Variants in SIM1 observed in about 807,000 individuals in gnomAD.
SIM1 encodes the protein SIM bHLH transcription factor 1, also known as single-minded homolog 1.
A neutral mutation model predicts 78.2 loss-of-function variants in SIM1; 18 were observed. The observed-to-expected ratio is 0.23, with a 90% confidence interval of 0.16 to 0.34. The LOEUF (loss-of-function observed/expected upper bound fraction) is 0.34. Ranked by LOEUF, SIM1 falls within the 10% of genes least tolerant of loss-of-function variation. SIM1 has a pLI of 1.00. For synonymous variants in SIM1, 417 were observed against 385.2 expected (o/e 1.08, Z -0.97); for missense variants, 939 against 975.1 (o/e 0.96, Z 0.49).
intron 10 of SIM1, among the ~76,000 whole-genome samples, chr6:100,410,344 T>C (rs1285595492): frequency 1.3e-5 from 2 of 152,232 alleles, no homozygotes; most frequent in African/African-American, 4.8e-5. Context: ...GCAGCATCAC[T>C]TCCATTAAGC....
intron 10 of SIM1, among the ~76,000 whole-genome samples, chr6:100,394,300 T>A (rs1770718963): frequency 6.6e-6 from 1 of 152,214 alleles, no homozygotes; most frequent in Non-Finnish European, 1.5e-5. Context: ...AGCCACAGTG[T>A]TAGCAGGTGA....
intron 10 of SIM1, among the ~76,000 whole-genome samples, chr6:100,404,493 T>G (rs1771004383): frequency 6.6e-6 from 1 of 152,226 alleles, no homozygotes; most frequent in African/African-American, 2.4e-5. Context: ...AAATCACAGA[T>G]GCAGACTGCA....
chr6:100,442,529 C>A (rs1447438366), intron 9 of SIM1, among the ~76,000 whole-genome samples: 1 of 152,056 alleles, frequency 6.6e-6, no homozygotes, highest in South Asian at 2.1e-4. Context: ...TACATTAGTG[C>A]ATGATTATTA....
intron 10 of SIM1, among the ~76,000 whole-genome samples, chr6:100,414,157 A>T (rs1190190968): frequency 6.6e-6 from 1 of 152,228 alleles, no homozygotes; most frequent in Non-Finnish European, 1.5e-5. Flanking sequence ...GTTTGTAAAA[A>T]GGGATGGATG....
chr6:100,401,702 T>C (rs1057276822), intron 10 of SIM1, among the ~76,000 whole-genome samples: 1 of 152,180 alleles, frequency 6.6e-6, no homozygotes, highest in African/African-American at 2.4e-5. Context: ...TTAAAGTATG[T>C]AATCATTTTA....
At chr6:100,392,954 C>CACGG (rs1175421726) in intron 11 of SIM1, among the ~76,000 whole-genome samples, 2 of 152,210 alleles carry the variant, frequency 1.3e-5, no homozygotes, top group Non-Finnish European at 2.9e-5. Context: ...ATCCTTCACT[C>CACGG]ACGGGGTCAT....
intron 1 of SIM1, among the ~76,000 whole-genome samples, 175 bp downstream of exon 1, chr6:100,464,439 C>T (rs538576778): frequency 1.3e-5 from 2 of 152,338 alleles, no homozygotes; most frequent in South Asian, 4.1e-4. Flanking sequence ...AGCGCTCTGG[C>T]TGCCCAGCAG....
At chr6:100,410,908 T>G (rs1391570802) in intron 10 of SIM1, among the ~76,000 whole-genome samples, 1 of 152,100 alleles carries the variant, frequency 6.6e-6, no homozygotes, top group Non-Finnish European at 1.5e-5. Flanking sequence ...CAAGAAGCAT[T>G]ATGAAGGAAC....
At chr6:100,396,084 CTCT>C in intron 10 of SIM1, 2 of 984,928 alleles carry the variant, frequency 2.0e-6, no homozygotes, top group Non-Finnish European at 2.4e-6. Context: ...TGCCATCATC[CTCT>C]TCTTCCAGTG....
intron 2 of SIM1, among the ~76,000 whole-genome samples, chr6:100,458,029 TC>T (rs1772727672): frequency 2.1e-5 from 1 of 46,758 alleles, no homozygotes; most frequent in Non-Finnish European, 6.2e-5. Flanking sequence ...TCTCTCTCTC[TC>T]TCTCTCTCTC....
intron 10 of SIM1, among the ~76,000 whole-genome samples, chr6:100,418,627 G>A (rs1346213748): frequency 6.6e-6 from 1 of 151,956 alleles, no homozygotes; most frequent in Non-Finnish European, 1.5e-5. Flanking sequence ...AGGATTTGGG[G>A]GTCCAATAGG....
intron 10 of SIM1, among the ~76,000 whole-genome samples, chr6:100,399,476 G>A (rs1404191152): frequency 2.0e-5 from 3 of 152,016 alleles, no homozygotes; most frequent in African/African-American, 7.2e-5. Context: ...TCATAAAAAG[G>A]CAACATGAGA....
intron 10 of SIM1, among the ~76,000 whole-genome samples, chr6:100,410,716 C>G (rs1230149392): frequency 6.6e-6 from 1 of 152,100 alleles, no homozygotes; most frequent in Non-Finnish European, 1.5e-5. Context: ...AATGAGGTGG[C>G]TCTGTAGGTA....
In SIM1 at chr6:100,393,817, T is replaced by C. The variant is rs578076640; in HGVS notation, c.1240A>G (p.Thr414Ala). The C allele has an allele frequency of 3.7e-6, 6 of 1,612,540 alleles. No individual in the cohort carries two copies. Among genetic ancestry groups the C allele is most frequent in the Middle Eastern group, 1.6e-4 (1 of 6,082 alleles). ...SQWGGSPLTD[T>A]ASPQLLDPAD... Reference sequence around the variant, plus strand: ...GGGTCCAGAAGCTGCGGAGAGGCCGTGTCGGTCAAGGGACTTCCGCCCCAC... The same window carrying C: ...GGGTCCAGAAGCTGCGGAGAGGCCGCGTCGGTCAAGGGACTTCCGCCCCAC... Residue 414 changes from threonine (T) to alanine (A), a missense_variant, in exon 11 of 12, where the codon ACG becomes GCG. Physicochemically the swap from Thr to Ala is moderately conservative, Grantham distance 58 (BLOSUM62 0). This residue lies in a region of SIM1 where 556 missense variants were observed against 521.9 expected (regional missense o/e 1.07). Coordinates refer to ENST00000369208, the MANE Select transcript of SIM1 (RefSeq NM_005068.3).
At chr6:100,454,842 A>G (rs994169174) in intron 2 of SIM1, among the ~76,000 whole-genome samples, 4 of 152,198 alleles carry the variant, frequency 2.6e-5, no homozygotes, top group African/African-American at 7.2e-5. Flanking sequence ...GAAGGCAAAA[A>G]AACTTTCGAA....
At chr6:100,420,411 A>G (rs1045244699) in intron 10 of SIM1, among the ~76,000 whole-genome samples, 4 of 151,966 alleles carry the variant, frequency 2.6e-5, no homozygotes, top group Non-Finnish European at 5.9e-5. Flanking sequence ...CTTCTTCTTT[A>G]GTTCCTGTCC....
Position 100,448,139 on chromosome 6 carries a change from G to T in SIM1, c.850+7C>A. The T allele has an allele frequency of 1.2e-6, 2 of 1,608,020 alleles. No individual in the cohort carries two copies. Among genetic ancestry groups the T allele is most frequent in the Non-Finnish European group, 1.7e-6 (2 of 1,176,718 alleles). On this transcript the variant is annotated splice_region_variant and intron_variant, in intron 8 of 11. Coordinates refer to ENST00000369208, the MANE Select transcript of SIM1 (RefSeq NM_005068.3). ...TTGCTAGGGTACGGGGCAGGGTGGC[G>T]CCTTACGCAAATGGTGCGCGCAGCG...
chr6:100,429,893 T>C (rs1259574144), intron 9 of SIM1, among the ~76,000 whole-genome samples: 7 of 152,318 alleles, frequency 4.6e-5, no homozygotes, highest in Admixed American at 4.6e-4. Flanking sequence ...TCCTCAGGTA[T>C]ACCAGCTGTA....
intron 9 of SIM1, among the ~76,000 whole-genome samples, chr6:100,424,615 ATTTTTG>A (rs1771677529): frequency 2.0e-5 from 3 of 147,846 alleles, no homozygotes. Flanking sequence ...TTTTTTTTTT[ATTTTTG>A]GTAGACACGA....
Sources: gnomAD v4.1 joint callset for allele counts (sites outside exome capture counted in the v4.1 genomes callset) on GRCh38, gnomAD v4.1.1 for gene constraint, gnomAD v4.1.1 regional missense constraint, MANE v1.5 for transcripts, NCBI Gene and HGNC (gene_info 2026-07-23, HGNC 2026-07-21) for gene names.